The following CSMD1 variants were observed in gnomAD, a reference collection of about 807,000 sequenced individuals.
CSMD1 encodes the protein CUB and Sushi multiple domains 1.
In CSMD1, 213 loss-of-function variants were observed where a neutral mutation model predicts 417.5. The ratio of observed to expected loss-of-function variants is 0.51; its 90% CI spans 0.46 to 0.57. CSMD1 has a LOEUF of 0.57. Among genes scored for constraint, CSMD1 ranks in the 20% least tolerant of loss-of-function variants. The probability of loss-of-function intolerance (pLI) is 0.00; values close to 1 mark genes in which losing one functional copy is unlikely to be tolerated. For missense variants in CSMD1, 6,923 were observed against 4,529.7 expected, an observed-to-expected ratio of 1.53 and a Z score of -15.17; for synonymous variants, 2,862 against 1,736.8, an observed-to-expected ratio of 1.65 and a Z score of -16.11.
intron 6 of CSMD1, among the ~76,000 whole-genome samples, chr8:3,720,673 C>T (rs557909911): frequency 4.1e-5 from 6 of 145,854 alleles, no homozygotes; most frequent in Non-Finnish European, 4.5e-5. Flanking sequence ...ATTTCTCCTT[C>T]ATGACCCATG....
intron 1 of CSMD1, among the ~76,000 whole-genome samples, chr8:4,668,194 G>C (rs1805059194): frequency 6.6e-6 from 1 of 151,950 alleles, no homozygotes; most frequent in Non-Finnish European, 1.5e-5. Context: ...AATAACTTCT[G>C]TTATGGCTTC....
intron 7 of CSMD1, among the ~76,000 whole-genome samples, chr8:3,699,381 C>G (rs572065254): frequency 2.0e-5 from 3 of 152,286 alleles, no homozygotes; most frequent in African/African-American, 7.2e-5. Context: ...GTGCTTTTCT[C>G]CATACAACAC....
chr8:3,205,466 A>C, intron 31 of CSMD1, 38 bp downstream of exon 31: 1 of 1,023,832 alleles, frequency 9.8e-7, no homozygotes, highest in Non-Finnish European at 1.5e-6. Context: ...ACTGAAAGGA[A>C]ATATGACAAT....
chr8:3,425,375 G>A (rs1488964416), intron 12 of CSMD1, among the ~76,000 whole-genome samples: 1 of 151,804 alleles, frequency 6.6e-6, no homozygotes, highest in East Asian at 1.9e-4. Context: ...GGATCACGAG[G>A]TCAAGAGATC....
At chr8:3,426,798 G>C (rs751633446) in intron 12 of CSMD1, among the ~76,000 whole-genome samples, 1 of 152,250 alleles carries the variant, frequency 6.6e-6, no homozygotes, top group African/African-American at 2.4e-5. Flanking sequence ...TGCCCAGTTA[G>C]TTTCCTCATG....
chr8:3,665,141 T>A (rs1257790636), intron 7 of CSMD1, among the ~76,000 whole-genome samples: 1 of 152,194 alleles, frequency 6.6e-6, no homozygotes, highest in Non-Finnish European at 1.5e-5. Flanking sequence ...GAATTTTGTA[T>A]CATGAGCATT....
chr8:4,516,838 A>G (rs1161685574), intron 2 of CSMD1, among the ~76,000 whole-genome samples: 1 of 152,174 alleles, frequency 6.6e-6, no homozygotes, highest in East Asian at 1.9e-4. Context: ...TATTTTCAGC[A>G]TGATATAGCC....
chr8:4,100,304 A>G (rs560718659), intron 3 of CSMD1, among the ~76,000 whole-genome samples: 1 of 152,166 alleles, frequency 6.6e-6, no homozygotes, highest in Admixed American at 6.6e-5. Context: ...AGTATCTTTT[A>G]CCAAATGAAA....
chr8:3,258,159 A>C (rs1486964609), intron 26 of CSMD1, among the ~76,000 whole-genome samples: 1 of 152,202 alleles, frequency 6.6e-6, no homozygotes, highest in Non-Finnish European at 1.5e-5. Context: ...GGGTAAACAG[A>C]CAACCTAAAG....
chr8:4,313,480 G>C (rs371816940), intron 3 of CSMD1, among the ~76,000 whole-genome samples: 1 of 141,194 alleles, frequency 7.1e-6, no homozygotes, highest in South Asian at 2.3e-4. Context: ...AACCCGAAGA[G>C]CTCCCAAAGG....
chr8:4,730,092 T>G (rs1809743178), intron 1 of CSMD1, among the ~76,000 whole-genome samples: 2 of 152,162 alleles, frequency 1.3e-5, no homozygotes, highest in Admixed American at 1.3e-4. Flanking sequence ...GACATCTTTA[T>G]TACCCCTTTT....
chr8:4,034,426 C>T (rs887372813), intron 3 of CSMD1, among the ~76,000 whole-genome samples: 1 of 152,180 alleles, frequency 6.6e-6, no homozygotes, highest in Non-Finnish European at 1.5e-5. Flanking sequence ...CTATTGTCTG[C>T]AATCATTTTT....
At chr8:4,125,823 A>C (rs565614683) in intron 3 of CSMD1, among the ~76,000 whole-genome samples, 38 of 152,122 alleles carry the variant, frequency 2.5e-4, no homozygotes, top group Non-Finnish European at 5.1e-4. Context: ...GAAGACCCCC[A>C]TCTTACCTGG....
At chr8:4,447,252 A>G (rs961287787) in intron 2 of CSMD1, among the ~76,000 whole-genome samples, 1 of 152,242 alleles carries the variant, frequency 6.6e-6, no homozygotes, top group African/African-American at 2.4e-5. Context: ...CTTACGTTAT[A>G]GCAGGTTAGA....
At chr8:4,962,863 A>G (rs1163087699) in intron 1 of CSMD1, among the ~76,000 whole-genome samples, 2 of 152,216 alleles carry the variant, frequency 1.3e-5, no homozygotes, top group Non-Finnish European at 2.9e-5. Context: ...TCCTAAATGC[A>G]GAGGCACTGC....
intron 3 of CSMD1, among the ~76,000 whole-genome samples, chr8:4,137,900 T>C (rs1038798205): frequency 6.6e-6 from 1 of 151,906 alleles, no homozygotes; most frequent in African/African-American, 2.4e-5. Flanking sequence ...TTACTTGAGA[T>C]GAAGTCTCGC....
chr8:4,245,275 C>G (rs1802635188), intron 3 of CSMD1, among the ~76,000 whole-genome samples: 1 of 152,162 alleles, frequency 6.6e-6, no homozygotes, highest in Non-Finnish European at 1.5e-5. Flanking sequence ...TTATATAACT[C>G]TACATATGTT....
chr8:3,396,416 CA>C, intron 16 of CSMD1, 35 bp from the exon 17 acceptor site: 1 of 1,456,362 alleles, frequency 6.9e-7, no homozygotes, highest in South Asian at 1.4e-5. Flanking sequence ...AAAAGACATG[CA>C]GAACTGCCAG....
intron 2 of CSMD1, among the ~76,000 whole-genome samples, chr8:4,529,320 A>T (rs899021153): frequency 6.6e-6 from 1 of 152,230 alleles, no homozygotes; most frequent in African/African-American, 2.4e-5. Context: ...TGCAAAAAAA[A>T]TTACAAGAAT....
Sources: gnomAD v4.1 joint callset for allele counts (sites outside exome capture counted in the v4.1 genomes callset) on GRCh38, gnomAD v4.1.1 for gene constraint, MANE v1.5 for transcripts, NCBI Gene and HGNC (gene_info 2026-07-23, HGNC 2026-07-21) for gene names.